KIAA1217: variants seen among roughly 807,000 people sequenced by gnomAD.
KIAA1217 encodes sickle tail protein homolog.
KIAA1217 carries 88 observed loss-of-function variants against 163.9 expected under a neutral mutation model. The ratio of observed to expected loss-of-function variants is 0.54; its 90% CI spans 0.45 to 0.64. KIAA1217 has a LOEUF of 0.64. KIAA1217 is among the 30% of genes least tolerant of loss of function. The probability of loss-of-function intolerance (pLI) is 0.00; values close to 1 mark genes in which losing one functional copy is unlikely to be tolerated. For missense variants in KIAA1217, 2,372 were observed against 2,475.0 expected, an observed-to-expected ratio of 0.96 and a Z score of 0.88; for synonymous variants, 903 against 923.1, an observed-to-expected ratio of 0.98 and a Z score of 0.39.
intron 2 of KIAA1217, among the ~76,000 whole-genome samples, chr10:24,332,657 T>C (rs924900959): frequency 6.6e-6 from 1 of 152,172 alleles, no homozygotes; most frequent in African/African-American, 2.4e-5. Context: ...GTCACACCTG[T>C]GGGACCAGAA....
intron 2 of KIAA1217, among the ~76,000 whole-genome samples, chr10:24,095,081 G>A (rs901982676): frequency 9.9e-5 from 15 of 152,180 alleles, no homozygotes; most frequent in Admixed American, 3.3e-4. Context: ...TCCTAAGCCC[G>A]TCGGAAAAGC....
chr10:24,180,468 A>G (rs1462356204), intron 2 of KIAA1217, among the ~76,000 whole-genome samples: 1 of 151,546 alleles, frequency 6.6e-6, no homozygotes, highest in Non-Finnish European at 1.5e-5. Flanking sequence ...TATATTTTTA[A>G]TAGAGATGTG....
rs183742507 is a variant in KIAA1217, at chr10:24,397,032, T to C, written c.553+15965T>C. ...AAAGAATCTGGGTTCTGTAGATGCT[T>C]TGAAATGAGATTAAGGTTGGTTTCT... On this transcript the variant is annotated intron_variant, in intron 3 of 20. Transcript: ENST00000376454. 2.2e-3 allele frequency among the ~76,000 whole-genome samples: 334 copies of C among 152,092 alleles called. 2 individuals are homozygous for C. The highest frequency in any genetic ancestry group is 7.8e-3 in the African/African-American group (323 of 41,452).
intron 1 of KIAA1217, among the ~76,000 whole-genome samples, chr10:23,943,840 A>G (rs1296498823): frequency 6.6e-6 from 1 of 152,242 alleles, no homozygotes; most frequent in African/African-American, 2.4e-5. Flanking sequence ...CAATATGGAA[A>G]GAAAGTCCTA....
intron 1 of KIAA1217, among the ~76,000 whole-genome samples, chr10:23,718,046 CT>C (rs763659492): frequency 6.6e-6 from 1 of 152,162 alleles, no homozygotes; most frequent in Non-Finnish European, 1.5e-5. Flanking sequence ...CTAAGTCCTC[CT>C]TGCTTCCATT....
At chr10:23,698,078 A>G (rs1003912748) in intron 1 of KIAA1217, among the ~76,000 whole-genome samples, 16 of 152,198 alleles carry the variant, frequency 1.1e-4, no homozygotes, top group Non-Finnish European at 1.9e-4. Context: ...CTACTTACAA[A>G]ATGAGATTAT....
In KIAA1217 at chr10:24,531,882, C is replaced by CCCT; in HGVS notation, c.3144_3146dup (p.Pro1052dup). ...TGGAAAAGCTGGGGGGAAAGTCGCCCCCTCCTCCTCCGCCACCTCCTCGTC... is the reference window on the plus strand; with the variant it reads ...TGGAAAAGCTGGGGGGAAAGTCGCCCCCTCCTCCTCCTCCGCCACCTCCTCGTC... On this transcript the variant is annotated inframe_insertion, in exon 15 of 21. Transcript: ENST00000376454. The CCCT allele has an allele frequency of 6.2e-7, 1 of 1,608,662 alleles. No individual in the cohort carries two copies. The highest frequency in any genetic ancestry group is 8.5e-7 in the Non-Finnish European group (1 of 1,176,830).
At chr10:24,036,180 C>A (rs1314224941) in intron 2 of KIAA1217, among the ~76,000 whole-genome samples, 1 of 152,156 alleles carries the variant, frequency 6.6e-6, no homozygotes, top group Non-Finnish European at 1.5e-5. Context: ...AAAGCAGAAT[C>A]CGGGAGCTTT....
chr10:24,056,284 C>T (rs1320108256), intron 2 of KIAA1217, among the ~76,000 whole-genome samples: 2 of 151,880 alleles, frequency 1.3e-5, no homozygotes, highest in African/African-American at 2.4e-5. Context: ...GCCAAGATCG[C>T]GCCACTCCAC....
At chr10:24,204,306 T>C (rs1358670521), upstream of KIAA1217, among the ~76,000 whole-genome samples, 3 of 152,046 alleles carry the variant, frequency 2.0e-5, no homozygotes, top group African/African-American at 7.2e-5. Flanking sequence ...ATGCTGGAGG[T>C]TACCTGGTGA....
intron 2 of KIAA1217, among the ~76,000 whole-genome samples, chr10:24,114,637 A>G (rs1367064569): frequency 6.6e-6 from 1 of 152,342 alleles, no homozygotes; most frequent in East Asian, 1.9e-4. Context: ...CGAGAAATTA[A>G]CAAGTGAACA....
intron 3 of KIAA1217, among the ~76,000 whole-genome samples, chr10:24,419,622 T>C (rs966898245): frequency 1.3e-5 from 2 of 152,164 alleles, no homozygotes; most frequent in African/African-American, 4.8e-5. Context: ...GCAAATGCTA[T>C]ATAGGTTTTT....
At chr10:23,762,575 T>C (rs1420946176) in intron 1 of KIAA1217, among the ~76,000 whole-genome samples, 1 of 152,196 alleles carries the variant, frequency 6.6e-6, no homozygotes, top group Admixed American at 6.5e-5. Context: ...CATCTCTTCA[T>C]GTTAAAAACT....
In KIAA1217 at chr10:23,717,720, T is replaced by C. The variant is rs16923699; in HGVS notation, c.-321+22486T>C. On this transcript the variant is annotated intron_variant, in intron 1 of 18. Transcript: ENST00000376462. Reference sequence around the variant, plus strand: ...CAATAAACCTAAGATGAAATTAGTATGCAAAATGTATGCTAGAAATCCTCT... The same window carrying C: ...CAATAAACCTAAGATGAAATTAGTACGCAAAATGTATGCTAGAAATCCTCT... Among the ~76,000 whole-genome samples the C allele has an allele frequency of 7.1e-3, 1,087 of 152,256 alleles. 17 individuals are homozygous for C. The highest frequency in any genetic ancestry group is 0.025 in the African/African-American group (1,033 of 41,550).
At chr10:23,947,452 G>A (rs973212888) in intron 1 of KIAA1217, among the ~76,000 whole-genome samples, 3 of 152,092 alleles carry the variant, frequency 2.0e-5, no homozygotes, top group African/African-American at 7.2e-5. Flanking sequence ...AGATAAATAT[G>A]CCAGGCTTTC....
chr10:23,741,430 A>G (rs1229970247), intron 1 of KIAA1217, among the ~76,000 whole-genome samples: 1 of 152,150 alleles, frequency 6.6e-6, no homozygotes, highest in Non-Finnish European at 1.5e-5. Context: ...GCTATTTGCA[A>G]TTGGAATGAT....
rs202081168 is a variant in KIAA1217 at position 23,918,765 on chromosome 10, C to CAT, written c.-320-88454_-320-88453dup. On this transcript the variant is annotated intron_variant, in intron 1 of 18. Transcript: ENST00000376462. ...ACACACACACACACACACACACACA[C>CAT]ATATATAGTAAGTGACAATAACAGC... Among the ~76,000 whole-genome samples the CAT allele has an allele frequency of 8.2e-3, 1,227 of 150,252 alleles. 11 individuals are homozygous for CAT. Among genetic ancestry groups the CAT allele is most frequent in the Admixed American group, 0.018 (269 of 14,962 alleles).
At chr10:24,089,207 A>G (rs2061831525) in intron 2 of KIAA1217, among the ~76,000 whole-genome samples, 1 of 125,010 alleles carries the variant, frequency 8.0e-6, no homozygotes, top group Non-Finnish European at 2.0e-5. Flanking sequence ...CCTTTGTCAG[A>G]TGAGTAGACT....
At chr10:23,957,913 T>C (rs1844641000) in intron 1 of KIAA1217, among the ~76,000 whole-genome samples, 1 of 152,228 alleles carries the variant, frequency 6.6e-6, no homozygotes, top group South Asian at 2.1e-4. Context: ...CAGAAGAAGG[T>C]GGCTGACTGC....
Sources: allele counts gnomAD v4.1 joint callset (sites outside exome capture counted in the v4.1 genomes callset), GRCh38; gene constraint gnomAD v4.1.1; transcripts MANE v1.5; gene names NCBI Gene and HGNC (gene_info 2026-07-23, HGNC 2026-07-21).